Variants in MAGI1 observed in about 807,000 individuals in gnomAD.
MAGI1 encodes membrane associated guanylate kinase, WW and PDZ domain containing 1.
Under a neutral mutation model 139.9 loss-of-function variants are expected in MAGI1, and 58 were observed. The observed-to-expected ratio is 0.41, with a 90% CI of 0.34 to 0.52. The LOEUF is 0.52. Among genes scored for constraint, MAGI1 ranks in the 20% least tolerant of loss-of-function variants. The pLI, the probability that MAGI1 is intolerant of heterozygous loss-of-function variation, is 0.12. For synonymous variants in MAGI1, 812 were observed against 737.9 expected, an observed-to-expected ratio of 1.10 and a Z score of -1.63; for missense variants, 1,874 against 1,901.6, an observed-to-expected ratio of 0.99 and a Z score of 0.27.
chr3:65,897,577 T>G (rs1300823341), intron 1 of MAGI1, among the ~76,000 whole-genome samples: 1 of 139,602 alleles, frequency 7.2e-6, no homozygotes, highest in Non-Finnish European at 1.7e-5. Context: ...GTAACAAACC[T>G]GCATGTTGTG....
At chr3:65,989,844 A>G (rs184445288) in intron 1 of MAGI1, among the ~76,000 whole-genome samples, 2 of 152,026 alleles carry the variant, frequency 1.3e-5, no homozygotes, top group East Asian at 3.9e-4. Context: ...TGACCCAGAC[A>G]TAATTTTTTA....
At chr3:65,934,155 T>C (rs1453480343) in intron 1 of MAGI1, among the ~76,000 whole-genome samples, 1 of 151,766 alleles carries the variant, frequency 6.6e-6, no homozygotes, top group Non-Finnish European at 1.5e-5. Flanking sequence ...CAAATCCCTA[T>C]TCCTTCAAAG....
intron 1 of MAGI1, among the ~76,000 whole-genome samples, chr3:65,942,342 T>G (rs1220449769): frequency 2.6e-5 from 4 of 152,158 alleles, no homozygotes; most frequent in Non-Finnish European, 5.9e-5. Context: ...TGCCCAGTAA[T>G]GAGCAAATGA....
chr3:65,953,733 G>C (rs2106985472), intron 1 of MAGI1, among the ~76,000 whole-genome samples: 1 of 152,298 alleles, frequency 6.6e-6, no homozygotes, highest in South Asian at 2.1e-4. Context: ...AACAACCTCA[G>C]CACAGAAACA....
At chr3:65,628,001 A>G (rs2084078077) in intron 1 of MAGI1, among the ~76,000 whole-genome samples, 1 of 152,208 alleles carries the variant, frequency 6.6e-6, no homozygotes, top group Admixed American at 6.5e-5. Context: ...ATAGAAAATT[A>G]AGCTATTTCC....
intron 2 of MAGI1, among the ~76,000 whole-genome samples, chr3:65,526,682 C>A (rs1403336305): frequency 1.3e-5 from 2 of 152,192 alleles, no homozygotes; most frequent in African/African-American, 4.8e-5. Context: ...CTTCTCATCA[C>A]TTTAAATACA....
chr3:66,036,895 G>T (rs2068952324), intron 1 of MAGI1, among the ~76,000 whole-genome samples: 1 of 152,210 alleles, frequency 6.6e-6, no homozygotes, highest in African/African-American at 2.4e-5. Flanking sequence ...CATGAGGACA[G>T]CCCCTTGTCT....
At chr3:65,382,103 C>T (rs775980698) in intron 15 of MAGI1, 34 bp from the exon 16 acceptor site, 2 of 1,510,794 alleles carry the variant, frequency 1.3e-6, no homozygotes, top group South Asian at 1.2e-5. Context: ...TGAAACATTG[C>T]TCTCCTATGT....
chr3:65,523,214 T>C lies in MAGI1; in HGVS notation c.431-29583A>G, dbSNP rs183994109. On this transcript the variant is annotated intron_variant, in intron 2 of 22. Coordinates refer to ENST00000402939, the MANE Select transcript of MAGI1 (RefSeq NM_001033057.2). ...ATGATACTATTACCATATTAGCCAA[T>C]TATTATTGAACTAATGCATGCCCAC... 3.7e-3 allele frequency among the ~76,000 whole-genome samples: 556 copies of C among 152,244 alleles called. 3 individuals are homozygous for C. The highest frequency in any genetic ancestry group is 4.2e-3 in the Non-Finnish European group (284 of 68,010).
chr3:65,979,089 C>CCCCA (rs1553742246), intron 1 of MAGI1, among the ~76,000 whole-genome samples: 9 of 3,000 alleles, frequency 3.0e-3, no homozygotes, highest in Admixed American at 0.018. Context: ...TTCTTTTCTT[C>CCCCA]CCCCCCCCCG....
chr3:65,808,720 C>T (rs1246786337), intron 1 of MAGI1, among the ~76,000 whole-genome samples: 1 of 152,148 alleles, frequency 6.6e-6, no homozygotes, highest in Non-Finnish European at 1.5e-5. Flanking sequence ...TCATTCTCCA[C>T]CCACCTCACA....
intron 1 of MAGI1, among the ~76,000 whole-genome samples, chr3:65,745,591 G>A (rs2035634190): frequency 6.6e-6 from 1 of 152,222 alleles, no homozygotes; most frequent in South Asian, 2.1e-4. Context: ...TTCCTTACCT[G>A]AAAAACATAA....
Position 65,884,496 on chromosome 3 carries a change from GA to G in MAGI1, c.313+153499del, listed in dbSNP as rs539833110. On this transcript the variant is annotated intron_variant, in intron 1 of 22. Coordinates refer to ENST00000402939, the MANE Select transcript of MAGI1 (RefSeq NM_001033057.2). ...CAAAATGTGAGATAAAATTAAGGAA[GA>G]ATACATTTAAGACAACTTGAATCCA... 8.9e-3 allele frequency among the ~76,000 whole-genome samples: 1,358 copies of G among 152,234 alleles called. 8 individuals are homozygous for G. Among genetic ancestry groups the G allele is most frequent in the Non-Finnish European group, 0.014 (967 of 67,994 alleles).
At chr3:65,674,005 G>A (rs1343652534) in intron 1 of MAGI1, among the ~76,000 whole-genome samples, 4 of 152,196 alleles carry the variant, frequency 2.6e-5, no homozygotes. Flanking sequence ...TCCGGAGGCT[G>A]AGGTTGGAGA....
rs1038350516 is a variant in MAGI1 at position 65,848,452 on chromosome 3, G to T, written c.313+189544C>A. Among the ~76,000 whole-genome samples, 7 of 152,164 alleles carry T rather than the reference G, an allele frequency of 4.6e-5. No homozygotes were observed. The East Asian group carries it at 1.4e-3, about 29-fold the overall frequency. On this transcript the variant is annotated intron_variant, in intron 1 of 22. Transcript: ENST00000402939. ...CCATGGACCTATTATTGTTCAACTT[G>T]CAATAATGGGACACTTCCAAAGAGC...
At chr3:65,655,748 A>C (rs575456122) in intron 1 of MAGI1, among the ~76,000 whole-genome samples, 1 of 152,364 alleles carries the variant, frequency 6.6e-6, no homozygotes, top group East Asian at 1.9e-4. Flanking sequence ...CACACAGCTT[A>C]GTAAGAGGTA....
intron 1 of MAGI1, among the ~76,000 whole-genome samples, chr3:65,666,732 C>T (rs573739659): frequency 2.0e-5 from 3 of 152,236 alleles, no homozygotes; most frequent in South Asian, 2.1e-4. Flanking sequence ...GATGAAACAA[C>T]CTCCCCCTCA....
intron 1 of MAGI1, among the ~76,000 whole-genome samples, chr3:65,731,547 G>A (rs1386469451): frequency 2.0e-5 from 3 of 151,424 alleles, no homozygotes; most frequent in East Asian, 1.9e-4. Context: ...CCCAGCTACT[G>A]GGGCGGCTGA....
intron 1 of MAGI1, among the ~76,000 whole-genome samples, chr3:65,783,169 C>A (rs264103): frequency 0.23 from 35,237 of 150,484 alleles, 4,302 homozygotes; most frequent in South Asian, 0.41. Context: ...TAAAAAAAAA[C>A]AACTCTTACA....
Sources: gnomAD v4.1 joint callset for allele counts (sites outside exome capture counted in the v4.1 genomes callset) on GRCh38, gnomAD v4.1.1 for gene constraint, MANE v1.5 for transcripts, NCBI Gene and HGNC (gene_info 2026-07-23, HGNC 2026-07-21) for gene names.